The following FGF12 variants were observed in gnomAD, a reference collection of about 807,000 sequenced individuals.
The protein encoded by FGF12 is fibroblast growth factor 12.
In FGF12, 14 loss-of-function variants were observed where a neutral mutation model predicts 23.6. That is an observed-to-expected ratio of 0.59 (90% CI 0.39 to 0.93). The LOEUF (loss-of-function observed/expected upper bound fraction) is 0.93. Among genes scored for constraint, FGF12 ranks in the 40% least tolerant of loss-of-function variants. FGF12 has a pLI of 0.00. For missense variants in FGF12, 175 were observed against 217.8 expected, an observed-to-expected ratio of 0.80 and a Z score of 1.24; for synonymous variants, 62 against 77.3, an observed-to-expected ratio of 0.80 and a Z score of 1.04.
At chr3:192,460,675 C>CAT (rs201635693) in intron 2 of FGF12, among the ~76,000 whole-genome samples, 2 of 133,958 alleles carry the variant, frequency 1.5e-5, no homozygotes, top group African/African-American at 3.0e-5. Context: ...CACACACACA[C>CAT]ATATATTTAT....
intron 2 of FGF12, among the ~76,000 whole-genome samples, chr3:192,484,988 G>T (rs1282130203): frequency 6.6e-6 from 1 of 150,390 alleles, no homozygotes; most frequent in East Asian, 1.9e-4. Context: ...AATTTTATAT[G>T]TGTACACATA....
At chr3:192,291,431 A>C (rs1714753641) in intron 4 of FGF12, among the ~76,000 whole-genome samples, 1 of 152,038 alleles carries the variant, frequency 6.6e-6, no homozygotes, top group Non-Finnish European at 1.5e-5. Context: ...AAAATAAACA[A>C]AATTAGCTGG....
rs1054569358 is a variant in FGF12 at position 192,336,269 on chromosome 3, G to T, written c.125-805C>A. On this transcript the variant is annotated intron_variant, in intron 3 of 5. Transcript: ENST00000445105. The surrounding 1 kb of genome is among the most constrained non-coding windows in gnomAD (Gnocchi z 4.3). ...GTAATTCAACATCCTAAGATGAAAT[G>T]GAAACATGCTTGCAGTCTTTACATA... Among the ~76,000 whole-genome samples the T allele has an allele frequency of 6.6e-6, 1 of 151,768 alleles. No homozygotes were observed. Among genetic ancestry groups the T allele is most frequent in the African/African-American group, 2.4e-5 (1 of 41,298 alleles).
chr3:192,502,024 A>T (rs1353475328), intron 2 of FGF12, among the ~76,000 whole-genome samples: 3 of 152,238 alleles, frequency 2.0e-5, no homozygotes, highest in African/African-American at 7.2e-5. Flanking sequence ...GCTGGCCTTT[A>T]AAATTCCTAT....
At chr3:192,173,869 A>G (rs1296578809) in intron 4 of FGF12, among the ~76,000 whole-genome samples, 1 of 152,224 alleles carries the variant, frequency 6.6e-6, no homozygotes, top group Non-Finnish European at 1.5e-5. Context: ...AAATTTGAAG[A>G]TAGATATAAA....
At chr3:192,566,371 A>G (rs1168427969) in intron 2 of FGF12, among the ~76,000 whole-genome samples, 2 of 152,214 alleles carry the variant, frequency 1.3e-5, no homozygotes, top group Non-Finnish European at 2.9e-5. Context: ...TGGAGATAGG[A>G]AGACCAGGTA....
At chr3:192,716,787 G>A (rs1281154189) in intron 2 of FGF12, among the ~76,000 whole-genome samples, 1 of 152,136 alleles carries the variant, frequency 6.6e-6, no homozygotes, top group Non-Finnish European at 1.5e-5. Flanking sequence ...TACAAATTAG[G>A]AAGCAAGGAT....
At chr3:192,506,060 C>G (rs1368214046) in intron 2 of FGF12, among the ~76,000 whole-genome samples, 1 of 152,156 alleles carries the variant, frequency 6.6e-6, no homozygotes, top group East Asian at 1.9e-4. Flanking sequence ...TACAGTTGGG[C>G]CCAGTGGGTC....
rs1396279909 is a variant in FGF12, at chr3:192,514,768, G to T, written c.14-154230C>A. The T allele has an allele frequency of 2.0e-6, 2 of 985,292 alleles. No individual in the cohort carries two copies. Among genetic ancestry groups the T allele is most frequent in the African/African-American group, 1.7e-5 (1 of 57,242 alleles). The allele number at this position is 985,292 out of a possible 1,614,324, so 61.0% of individuals were successfully genotyped here. On this transcript the variant is annotated intron_variant, in intron 2 of 5. Transcript: ENST00000445105. The surrounding 1 kb of genome is among the most constrained non-coding windows in gnomAD (Gnocchi z 4.9). ...CTCAAGAATCTTCATGGAGAAGCGCGTGTGTGGGGTTGGTCAACTCCCCGC... is the reference window on the plus strand; with the variant it reads ...CTCAAGAATCTTCATGGAGAAGCGCTTGTGTGGGGTTGGTCAACTCCCCGC...
intron 2 of FGF12, among the ~76,000 whole-genome samples, chr3:192,521,944 G>A (rs1428646277): frequency 6.6e-6 from 1 of 152,050 alleles, no homozygotes; most frequent in Non-Finnish European, 1.5e-5. Context: ...AAAACAATGG[G>A]GACTTTTACT....
intron 2 of FGF12, among the ~76,000 whole-genome samples, chr3:192,726,636 G>A (rs1719224653): frequency 6.6e-6 from 1 of 152,154 alleles, no homozygotes; most frequent in Non-Finnish European, 1.5e-5. Flanking sequence ...TTAGAGGTCA[G>A]TTCTAACGCA....
rs113845208 is a variant in FGF12 at position 192,387,665 on chromosome 3, G to A, written c.14-27127C>T. On this transcript the variant is annotated intron_variant, in intron 2 of 5. Transcript: ENST00000445105. ...AGTTGAAGATCAGCCTGGGCAATAT[G>A]GCAAAACCCCATCTCTACAAAAAAA... Among the ~76,000 whole-genome samples, 1,140 of 150,932 alleles carry A rather than the reference G, an allele frequency of 7.6e-3. 10 individuals are homozygous for A. The highest frequency in any genetic ancestry group is 0.026 in the African/African-American group (1,079 of 41,056).
intron 4 of FGF12, among the ~76,000 whole-genome samples, chr3:192,172,885 CATCT>C (rs2108622320): frequency 6.6e-6 from 1 of 151,110 alleles, no homozygotes; most frequent in African/African-American, 2.4e-5. Flanking sequence ...ACAACCCAAA[CATCT>C]ATCAAGTGAT....
chr3:192,182,574 T>C lies in FGF12; in HGVS notation c.229-11918A>G, dbSNP rs537026604. On this transcript the variant is annotated intron_variant, in intron 4 of 5. Coordinates refer to ENST00000445105, the MANE Select transcript of FGF12 (RefSeq NM_004113.6). ...AATCTCTAAATGGACTCGTTGAGTATAGGAGGGAATGAGAATAAATATGTT... is the reference window on the plus strand; with the variant it reads ...AATCTCTAAATGGACTCGTTGAGTACAGGAGGGAATGAGAATAAATATGTT... Among the ~76,000 whole-genome samples the C allele has an allele frequency of 3.9e-5, 6 of 152,232 alleles. No homozygotes were observed. The South Asian group carries it at 1.2e-3, about 32-fold the overall frequency.
At chr3:192,648,458 C>T (rs1395389312) in intron 2 of FGF12, among the ~76,000 whole-genome samples, 1 of 149,470 alleles carries the variant, frequency 6.7e-6, no homozygotes, top group East Asian at 2.0e-4. Context: ...TATCCATGGA[C>T]TTACAGGAAC....
rs1302677238 is a variant in FGF12 at position 192,409,632 on chromosome 3, G to C, written c.14-49094C>G. Among the ~76,000 whole-genome samples, 1 of 152,188 alleles carries C rather than the reference G, an allele frequency of 6.6e-6. No individual in the cohort carries two copies. The highest frequency in any genetic ancestry group is 1.5e-5 in the Non-Finnish European group (1 of 68,022). ...GCTGCGAATACCCGCGCGTCCGCTC[G>C]GGTGGGGCGGGGGCTGGCTGCAGGC... On this transcript the variant is annotated intron_variant, in intron 2 of 5. Transcript: ENST00000445105. The surrounding 1 kb of genome is among the most constrained non-coding windows in gnomAD (Gnocchi z 4.8).
intron 2 of FGF12, among the ~76,000 whole-genome samples, chr3:192,437,920 T>C (rs1004314692): frequency 6.6e-6 from 1 of 152,200 alleles, no homozygotes; most frequent in East Asian, 1.9e-4. Flanking sequence ...TTCCTTCTTT[T>C]GTCCCTGAAT....
chr3:192,144,044 T>C lies in FGF12; in HGVS notation c.511A>G (p.Asn171Asp). Residue 171 changes from asparagine to aspartate, a missense_variant, in exon 6 of 6, where the codon AAT (asparagine) becomes GAT (aspartate). Coordinates refer to ENST00000445105, the MANE Select transcript of FGF12 (RefSeq NM_004113.6). ...SRKSSGTPTM[N>D]GGKVVNQDST Reference sequence around the variant, plus strand: ...TCTTGATTCACAACTTTGCCTCCATTCATGGTTGGTGTTCCAGAACTTTTC... The same window carrying C: ...TCTTGATTCACAACTTTGCCTCCATCCATGGTTGGTGTTCCAGAACTTTTC... 4 of 1,613,468 alleles carry C rather than the reference T, an allele frequency of 2.5e-6. No individual in the cohort carries two copies. The highest frequency in any genetic ancestry group is 3.4e-6 in the Non-Finnish European group (4 of 1,179,476).
intron 2 of FGF12, among the ~76,000 whole-genome samples, chr3:192,375,794 T>C (rs554354586): frequency 1.3e-5 from 2 of 152,286 alleles, no homozygotes; most frequent in East Asian, 3.9e-4. Context: ...TGTAATTAAC[T>C]GGACACATAA....
Sources: gnomAD v4.1 joint callset for allele counts (sites outside exome capture counted in the v4.1 genomes callset) on GRCh38, gnomAD v4.1.1 for gene constraint, Gnocchi (gnomAD v3.1) non-coding constraint, MANE v1.5 for transcripts, NCBI Gene and HGNC (gene_info 2026-07-23, HGNC 2026-07-21) for gene names.